SHOC2: variants seen among roughly 807,000 people sequenced by gnomAD.
SHOC2 encodes SHOC2 leucine rich repeat scaffold protein, also known as leucine-rich repeat protein SHOC-2.
In SHOC2, 4 loss-of-function variants were observed where a neutral mutation model predicts 50.2. The ratio of observed to expected loss-of-function variants is 0.08; its 90% confidence interval spans 0.04 to 0.18. The LOEUF (loss-of-function observed/expected upper bound fraction) is 0.18, where lower values mean the gene tolerates loss of function less well. Among genes scored for constraint, SHOC2 ranks in the 10% least tolerant of loss-of-function variants. SHOC2 has a pLI of 1.00. For missense variants in SHOC2, 388 were observed against 669.6 expected (o/e 0.58, Z 4.64); for synonymous variants, 218 against 244.5 (o/e 0.89, Z 1.01).
intron 1 of SHOC2, among the ~76,000 whole-genome samples, chr10:110,937,620 G>C (rs1168447477): frequency 6.6e-6 from 1 of 152,160 alleles, no homozygotes; most frequent in Non-Finnish European, 1.5e-5. Context: ...TTTCAAATTA[G>C]AAATCCTAAG....
At chr10:111,004,100 A>G (rs1286281273) in intron 4 of SHOC2, among the ~76,000 whole-genome samples, 10 of 152,184 alleles carry the variant, frequency 6.6e-5, no homozygotes, top group Non-Finnish European at 1.3e-4. Flanking sequence ...ATAATCATCT[A>G]CTGAATTTAA....
intron 2 of SHOC2, among the ~76,000 whole-genome samples, chr10:110,984,338 G>A (rs1231044231): frequency 6.6e-6 from 1 of 151,978 alleles, no homozygotes; most frequent in Admixed American, 6.6e-5. Context: ...TTTAAAATTG[G>A]CTTCTTTGAG....
At chr10:110,934,891 TA>T (rs1042008518) in intron 1 of SHOC2, among the ~76,000 whole-genome samples, 1 of 152,130 alleles carries the variant, frequency 6.6e-6, no homozygotes, top group Non-Finnish European at 1.5e-5. Flanking sequence ...GCATGTGGTG[TA>T]AAATTCAAAA....
At chr10:110,981,650 A>T (rs966650080) in intron 2 of SHOC2, among the ~76,000 whole-genome samples, 1 of 152,190 alleles carries the variant, frequency 6.6e-6, no homozygotes, top group Non-Finnish European at 1.5e-5. Flanking sequence ...AGTTTTTAAC[A>T]TGAATGCATT....
At chr10:110,930,508 T>C (rs923625894) in intron 1 of SHOC2, among the ~76,000 whole-genome samples, 3 of 152,172 alleles carry the variant, frequency 2.0e-5, no homozygotes, top group African/African-American at 7.2e-5. Context: ...TGAAAATCTT[T>C]TTTTCTTTGA....
intron 3 of SHOC2, among the ~76,000 whole-genome samples, chr10:110,990,122 A>G (rs919475698): frequency 2.0e-5 from 3 of 152,286 alleles, no homozygotes; most frequent in East Asian, 1.9e-4. Flanking sequence ...TAGAAAAACA[A>G]AATGTTCAAG....
At chr10:110,919,777 C>A in intron 1 of SHOC2, 120 bp downstream of exon 1, 1 of 393,592 alleles carries the variant, frequency 2.5e-6, no homozygotes, top group Admixed American at 4.4e-5. Context: ...CCCTGACAGG[C>A]GCGAGCCGGC....
chr10:110,950,189 T>A, intron 1 of SHOC2, among the ~76,000 whole-genome samples: 1 of 152,128 alleles, frequency 6.6e-6, no homozygotes, highest in Non-Finnish European at 1.5e-5. Flanking sequence ...ATAAATGAAT[T>A]CAGTAAAGTT....
intron 2 of SHOC2, among the ~76,000 whole-genome samples, chr10:110,981,948 G>A (rs1458874475): frequency 2.1e-4 from 30 of 139,770 alleles, no homozygotes; most frequent in African/African-American, 7.5e-4. Flanking sequence ...CTGGTGCGCT[G>A]CACCCACTAA....
rs117596436 is a variant in SHOC2 at position 110,930,891 on chromosome 10, G to A, written c.-235+11234G>A. Among the ~76,000 whole-genome samples, 781 of 152,110 alleles carry A rather than the reference G, an allele frequency of 5.1e-3. 2 individuals carry two copies. The highest frequency in any genetic ancestry group is 7.9e-3 in the Non-Finnish European group (539 of 67,950). ...TGCCTTTTAACTGTGAGACTTTGGT[G>A]AAGAATTTTGCAGTTTATGCATATG... On this transcript the variant is annotated intron_variant, in intron 1 of 8. Transcript: ENST00000369452.
chr10:110,960,430 A>T (rs912022202), intron 1 of SHOC2, among the ~76,000 whole-genome samples: 1 of 152,174 alleles, frequency 6.6e-6, no homozygotes, highest in African/African-American at 2.4e-5. Context: ...TATCTCTGAA[A>T]TCCAACATGG....
chr10:110,983,523 CAT>C (rs1177794771), intron 2 of SHOC2, among the ~76,000 whole-genome samples: 2 of 152,116 alleles, frequency 1.3e-5, no homozygotes, highest in African/African-American at 2.4e-5. Context: ...ATATGCATAA[CAT>C]ATAATTTATC....
intron 1 of SHOC2, chr10:110,937,027 G>T: frequency 6.7e-7 from 1 of 1,482,334 alleles, no homozygotes; most frequent in Non-Finnish European, 9.4e-7. Flanking sequence ...AGTGGTAGGG[G>T]CGTCGGAAAG....
chr10:110,971,367 A>G (rs1847778669), intron 2 of SHOC2, among the ~76,000 whole-genome samples: 1 of 151,980 alleles, frequency 6.6e-6, no homozygotes, highest in South Asian at 2.1e-4. Flanking sequence ...GGCTGTAAAT[A>G]TGTGGATTTA....
At chr10:110,990,562 TA>T (rs1468067457) in intron 3 of SHOC2, among the ~76,000 whole-genome samples, 2 of 152,024 alleles carry the variant, frequency 1.3e-5, no homozygotes, top group Non-Finnish European at 2.9e-5. Context: ...TCAGGGATTG[TA>T]AACGCACCAA....
intron 1 of SHOC2, among the ~76,000 whole-genome samples, chr10:110,949,043 GA>G (rs769499041): frequency 3.0e-4 from 45 of 152,052 alleles, no homozygotes; most frequent in Admixed American, 1.0e-3. Context: ...CAAAAGATTG[GA>G]AACCTTGTAC....
At position 110,919,656 on chromosome 10, in the gene SHOC2, C is replaced by G; in HGVS notation, c.-236C>G. On this transcript the variant is annotated splice_region_variant and 5_prime_UTR_variant, in exon 1 of 9. Transcript: ENST00000369452. ...AGGATGGCGGAGTCGGGGCTCCTGA[C>G]GGTAACTCGGGGCCGATGAGGCGGA... is the stretch of plus-strand genomic sequence containing the variant. 2.5e-6 allele frequency: 1 copy of G among 398,664 alleles called. No individual in the cohort carries two copies. The highest frequency in any genetic ancestry group is 4.4e-6 in the Non-Finnish European group (1 of 226,242). The allele number at this position is 398,664 out of a possible 1,614,324, so 24.7% of individuals were successfully genotyped here.
Position 110,987,770 on chromosome 10 carries a change from C to T in SHOC2, c.841+2005C>T, listed in dbSNP as rs372945842. ...GGATATTTAAACTGCATGTTTAAAA[C>T]ATGATGAGGCTGATACAAAAAGGGA... is the stretch of plus-strand genomic sequence containing the variant. On this transcript the variant is annotated intron_variant, in intron 3 of 8. Transcript: ENST00000369452. 3.2e-3 allele frequency among the ~76,000 whole-genome samples: 487 copies of T among 151,948 alleles called. 26 individuals carry two copies. In the South Asian group the frequency reaches 0.093, roughly 29 times the overall value.
chr10:110,961,388 A>G (rs2134117244), intron 1 of SHOC2, among the ~76,000 whole-genome samples: 2 of 152,334 alleles, frequency 1.3e-5, no homozygotes, highest in South Asian at 4.1e-4. Context: ...CACCTGATTC[A>G]GGTCTGAACT....
Sources: gnomAD v4.1 joint callset for allele counts (sites outside exome capture counted in the v4.1 genomes callset) on GRCh38, gnomAD v4.1.1 for gene constraint, MANE v1.5 for transcripts, NCBI Gene and HGNC (gene_info 2026-07-23, HGNC 2026-07-21) for gene names.